HOMER2: variants seen among roughly 807,000 people sequenced by gnomAD.
The protein encoded by HOMER2 is homer scaffold protein 2.
A neutral mutation model predicts 47.0 loss-of-function variants in HOMER2; 27 were observed. The observed-to-expected ratio is 0.57, with a 90% CI of 0.42 to 0.79. HOMER2 has a LOEUF of 0.79. Ranked by LOEUF, HOMER2 falls within the 30% of genes least tolerant of loss-of-function variation. The pLI, the probability that HOMER2 is intolerant of heterozygous loss-of-function variation, is 0.00. For missense variants in HOMER2, 443 were observed against 435.0 expected, an observed-to-expected ratio of 1.02 and a Z score of -0.16; for synonymous variants, 161 against 163.8, an observed-to-expected ratio of 0.98 and a Z score of 0.13.
intron 1 of HOMER2, among the ~76,000 whole-genome samples, chr15:82,941,705 A>G (rs1047831779): frequency 2.0e-4 from 30 of 151,844 alleles, no homozygotes; most frequent in African/African-American, 7.0e-4. Context: ...TTAACTCCCA[A>G]CACCTTAGCC....
chr15:82,979,981 T>C (rs1414141061), intron 1 of HOMER2, among the ~76,000 whole-genome samples: 1 of 152,066 alleles, frequency 6.6e-6, no homozygotes, highest in African/African-American at 2.4e-5. Flanking sequence ...ATAGTCTGCA[T>C]AGGCAACACA....
At chr15:82,966,644 G>A (rs1000413334) in intron 1 of HOMER2, among the ~76,000 whole-genome samples, 2 of 152,242 alleles carry the variant, frequency 1.3e-5, no homozygotes, top group Non-Finnish European at 2.9e-5. Flanking sequence ...GTAGAATAGA[G>A]AGGTTCCTCC....
At chr15:82,952,912 C>A (rs1462557285), upstream of HOMER2, among the ~76,000 whole-genome samples, 1 of 152,034 alleles carries the variant, frequency 6.6e-6, no homozygotes, top group African/African-American at 2.4e-5. Flanking sequence ...CCCGGGCCAC[C>A]CAGTCCTCGG....
At chr15:82,909,946 C>A (rs1274144412) in intron 1 of HOMER2, among the ~76,000 whole-genome samples, 1 of 151,808 alleles carries the variant, frequency 6.6e-6, no homozygotes, top group East Asian at 1.9e-4. Flanking sequence ...ACCAGCCTGG[C>A]CAACATGGTG....
At chr15:82,841,512 ACTCTT>A (rs1475997110) in exon 2 of HOMER2, 2 of 102,686 alleles carry the variant, frequency 1.9e-5, no homozygotes, top group Non-Finnish European at 3.8e-5. Flanking sequence ...TTGGAGAAAC[ACTCTT>A]CTAAGTAAAA....
At chr15:82,866,816 GC>G (rs1243739106) in intron 3 of HOMER2, among the ~76,000 whole-genome samples, 2 of 152,200 alleles carry the variant, frequency 1.3e-5, no homozygotes, top group African/African-American at 4.8e-5. Context: ...GGCCTTCCCA[GC>G]CACGTGGAAC....
At chr15:82,867,016 T>C (rs1326307533) in intron 3 of HOMER2, among the ~76,000 whole-genome samples, 1 of 152,178 alleles carries the variant, frequency 6.6e-6, no homozygotes, top group Non-Finnish European at 1.5e-5. Context: ...TCAACTTTTA[T>C]ATAAAAAATT....
chr15:82,951,688 C>CAAA (rs1353165424), intron 1 of HOMER2, among the ~76,000 whole-genome samples: 2 of 152,262 alleles, frequency 1.3e-5, no homozygotes, highest in Non-Finnish European at 2.9e-5. Flanking sequence ...CCCTGCTACA[C>CAAA]AAATGCTCAT....
chr15:82,892,969 C>G, intron 1 of HOMER2, 128 bp from the exon 2 acceptor site: 2 of 663,390 alleles, frequency 3.0e-6, no homozygotes, highest in Non-Finnish European at 4.4e-6. Flanking sequence ...TGCATGAAGA[C>G]AATTAAAATA....
rs553053205 is a variant in HOMER2, at chr15:82,970,133, A to G, written n.83-10825T>C. On this transcript the variant is annotated intron_variant and non_coding_transcript_variant, in intron 1 of 1. Transcript: ENST00000500334. ...AGCTGAAGCCATAGGAATAGATACA[A>G]TTGCACATGCAGAGTATGCAGAATG... 2.0e-5 allele frequency among the ~76,000 whole-genome samples: 3 copies of G among 152,358 alleles called. No homozygotes were observed. The South Asian group carries it at 6.2e-4, about 32-fold the overall frequency.
In HOMER2 at chr15:82,932,365, C is replaced by T. The variant is rs563771867; in HGVS notation, c.5+20166G>A. On this transcript the variant is annotated intron_variant, in intron 1 of 8. Coordinates refer to ENST00000450735, the MANE Select transcript of HOMER2 (RefSeq NM_004839.4). ...CAAAAATCAGCCAGGCATGGTGGTG[C>T]GCACCTGTAGTCCCAGCTACTTGGG... Among the ~76,000 whole-genome samples the T allele has an allele frequency of 6.6e-5, 10 of 151,920 alleles. No individual in the cohort carries two copies. In the South Asian group the frequency reaches 1.5e-3, roughly 22 times the overall value.
At chr15:82,872,313 G>A (rs2052202672) in intron 3 of HOMER2, among the ~76,000 whole-genome samples, 1 of 152,042 alleles carries the variant, frequency 6.6e-6, no homozygotes, top group African/African-American at 2.4e-5. Flanking sequence ...CCCCATTTCA[G>A]AAAACGGCCT....
chr15:82,908,352 C>T (rs2151142096), intron 1 of HOMER2, among the ~76,000 whole-genome samples: 1 of 152,306 alleles, frequency 6.6e-6, no homozygotes, highest in East Asian at 1.9e-4. Context: ...TGAGCTTCTG[C>T]ACTCAGTCCC....
intron 1 of HOMER2, among the ~76,000 whole-genome samples, chr15:82,904,546 T>G (rs2053232178): frequency 6.6e-6 from 1 of 152,154 alleles, no homozygotes; most frequent in South Asian, 2.1e-4. Flanking sequence ...CACCTGTTCC[T>G]TCCTAACAAG....
At chr15:82,932,726 A>G (rs1481041299) in intron 1 of HOMER2, among the ~76,000 whole-genome samples, 2 of 152,140 alleles carry the variant, frequency 1.3e-5, no homozygotes, top group African/African-American at 4.8e-5. Context: ...TCGGCCCTCA[A>G]GACACTCTCT....
Position 82,983,338 on chromosome 15 carries a change from T to TGGTTTC in HOMER2, n.82+2448_82+2449insGAAACC, listed in dbSNP as rs1187391109. Among the ~76,000 whole-genome samples the TGGTTTC allele has an allele frequency of 6.8e-4, 103 of 152,344 alleles. 1 individual carries two copies. The highest frequency in any genetic ancestry group is 2.3e-3 in the African/African-American group (96 of 41,570). On this transcript the variant is annotated intron_variant and non_coding_transcript_variant, in intron 1 of 1. Transcript: ENST00000500334. ...GCAACTGTACACCAGTGATTTCAACTATTGTTTCTTCATGAATTACTCACA... is the reference window on the plus strand; with the variant it reads ...GCAACTGTACACCAGTGATTTCAACTGGTTTCATTGTTTCTTCATGAATTACTCACA...
chr15:82,851,349 A>G (rs752568787), intron 7 of HOMER2, 118 bp from the exon 8 acceptor site: 13 of 683,248 alleles, frequency 1.9e-5, no homozygotes, highest in Non-Finnish European at 3.4e-5. Flanking sequence ...CTGTTTGCAT[A>G]GACAGTGATA....
At chr15:82,881,039 G>A (rs1310185228) in intron 2 of HOMER2, among the ~76,000 whole-genome samples, 1 of 152,184 alleles carries the variant, frequency 6.6e-6, no homozygotes, top group Admixed American at 6.5e-5. Context: ...CCTGGGGGAA[G>A]GAACCAAAGC....
intron 1 of HOMER2, among the ~76,000 whole-genome samples, chr15:82,965,072 T>A (rs2054661499): frequency 6.6e-6 from 1 of 152,124 alleles, no homozygotes; most frequent in Non-Finnish European, 1.5e-5. Context: ...CAGGCTGGAG[T>A]GCAGTGGTGC....
Sources: gnomAD v4.1 joint callset for allele counts (sites outside exome capture counted in the v4.1 genomes callset) on GRCh38, gnomAD v4.1.1 for gene constraint, MANE v1.5 for transcripts, NCBI Gene and HGNC (gene_info 2026-07-23, HGNC 2026-07-21) for gene names.